NBAS: variants seen among roughly 807,000 people sequenced by gnomAD.
The protein encoded by NBAS is NBAS subunit of NRZ tethering complex, also known as NAG/BC035112 fusion.
NBAS carries 219 observed loss-of-function variants against 302.5 expected under a neutral mutation model. The ratio of observed to expected loss-of-function variants is 0.72; its 90% CI spans 0.65 to 0.81. The LOEUF (loss-of-function observed/expected upper bound fraction) is 0.81, where lower values mean the gene tolerates loss of function less well. Among genes scored for constraint, NBAS ranks in the 30% least tolerant of loss-of-function variants. NBAS has a pLI of 0.00. For missense variants in NBAS, 2,932 were observed against 2,841.6 expected (o/e 1.03, Z -0.72); for synonymous variants, 1,118 against 1,021.6 (o/e 1.09, Z -1.80).
At chr2:15,239,401 G>GTGTATA (rs1553349678) in intron 44 of NBAS, among the ~76,000 whole-genome samples, 1 of 144,660 alleles carries the variant, frequency 6.9e-6, no homozygotes, top group Non-Finnish European at 1.5e-5. Flanking sequence ...GTGTGTGTGT[G>GTGTATA]TATATATATA....
intron 40 of NBAS, among the ~76,000 whole-genome samples, chr2:15,299,682 C>T (rs1670708549): frequency 2.0e-5 from 3 of 152,236 alleles, no homozygotes; most frequent in South Asian, 4.1e-4. Flanking sequence ...ACCTTCTGAA[C>T]ACTTTTTTAA....
At chr2:15,316,947 G>C (rs1671543037) in intron 38 of NBAS, among the ~76,000 whole-genome samples, 1 of 152,212 alleles carries the variant, frequency 6.6e-6, no homozygotes, top group African/African-American at 2.4e-5. Flanking sequence ...ACCCCGTGTA[G>C]CCTAACTGGG....
intron 41 of NBAS, among the ~76,000 whole-genome samples, chr2:15,291,727 A>G (rs1670311591): frequency 6.6e-6 from 1 of 152,202 alleles, no homozygotes; most frequent in African/African-American, 2.4e-5. Context: ...CTGAACAACA[A>G]GTCAATTGTA....
chr2:15,171,485 T>A (rs1383658630), intron 51 of NBAS, among the ~76,000 whole-genome samples: 1 of 152,270 alleles, frequency 6.6e-6, no homozygotes, highest in East Asian at 1.9e-4. Flanking sequence ...GGCTGCAAAA[T>A]AGTTGTTATA....
At chr2:15,274,845 A>G (rs1572569460) in intron 44 of NBAS, among the ~76,000 whole-genome samples, 2 of 151,870 alleles carry the variant, frequency 1.3e-5, no homozygotes, top group Non-Finnish European at 1.5e-5. Flanking sequence ...GCTCACTCCA[A>G]CCTCCGTTTC....
the NBAS span, chr2:14,890,836 CAAACAAACA>C: frequency 6.7e-6 from 1 of 149,498 alleles, no homozygotes; most frequent in Non-Finnish European, 1.4e-5. Flanking sequence ...AACAAACAAA[CAAACAAACA>C]AACAACAACA....
chr2:15,097,742 A>C, the NBAS span, among the ~76,000 whole-genome samples: 1 of 150,250 alleles, frequency 6.7e-6, no homozygotes, highest in Admixed American at 6.7e-5. Flanking sequence ...ACCACCTAAC[A>C]CCATCATCCT....
the NBAS span, among the ~76,000 whole-genome samples, chr2:14,947,750 G>T: frequency 2.6e-5 from 4 of 151,848 alleles, no homozygotes; most frequent in Non-Finnish European, 5.9e-5. Context: ...CCTGTTCAGG[G>T]TTTGTCAGAT....
At chr2:15,189,167 T>C (rs146716271) in intron 49 of NBAS, among the ~76,000 whole-genome samples, 1,634 of 152,238 alleles carry the variant, frequency 0.011, 29 homozygotes, top group African/African-American at 0.036. Context: ...ATAGTGAAGG[T>C]AAAAACCTGT....
At chr2:15,299,828 T>C (rs1042849477) in intron 40 of NBAS, among the ~76,000 whole-genome samples, 4 of 152,232 alleles carry the variant, frequency 2.6e-5, no homozygotes, top group Non-Finnish European at 5.9e-5. Context: ...TATATAAGTA[T>C]GTACAGCCAT....
At chr2:15,412,461 G>C (rs113950143) in intron 25 of NBAS, among the ~76,000 whole-genome samples, 2 of 152,122 alleles carry the variant, frequency 1.3e-5, no homozygotes, top group African/African-American at 2.4e-5. Flanking sequence ...ATAAATGTTC[G>C]CAGTCGTAAG....
intron 50 of NBAS, among the ~76,000 whole-genome samples, chr2:15,183,721 G>A (rs905972159): frequency 6.6e-6 from 1 of 151,864 alleles, no homozygotes; most frequent in East Asian, 1.9e-4. Flanking sequence ...AGTTCTTTCT[G>A]TTCTACTATG....
chr2:15,535,547 T>TAAAC (rs1355334610), intron 8 of NBAS, among the ~76,000 whole-genome samples: 21 of 139,528 alleles, frequency 1.5e-4, no homozygotes, highest in Middle Eastern at 3.7e-3. Flanking sequence ...AATAAATAAA[T>TAAAC]AAATAAATAA....
chr2:15,108,757 C>T, the NBAS span, among the ~76,000 whole-genome samples: 5 of 152,132 alleles, frequency 3.3e-5, no homozygotes, highest in African/African-American at 1.2e-4. Flanking sequence ...GAAAAGGCAA[C>T]CAATTAATAA....
chr2:14,859,377 A>G, the NBAS span, among the ~76,000 whole-genome samples: 1 of 152,080 alleles, frequency 6.6e-6, no homozygotes, highest in East Asian at 1.9e-4. Context: ...GACTCTGAAT[A>G]GCCAAAGCCA....
chr2:14,880,993 A>G, the NBAS span, among the ~76,000 whole-genome samples: 171 of 152,256 alleles, frequency 1.1e-3, 1 homozygote, highest in African/African-American at 4.0e-3. Flanking sequence ...AGACTTCTCA[A>G]TAACAGCACA....
chr2:15,347,037 G>A (rs1490553400), intron 35 of NBAS, among the ~76,000 whole-genome samples: 1 of 151,888 alleles, frequency 6.6e-6, no homozygotes, highest in Non-Finnish European at 1.5e-5. Context: ...TTAGATGACA[G>A]GTCAATAGGT....
chr2:15,468,488 T>C lies in NBAS; in HGVS notation c.1771A>G (p.Arg591Gly), dbSNP rs773791450. 16 of 1,613,976 alleles carry C rather than the reference T, an allele frequency of 9.9e-6. No individual in the cohort carries two copies. The highest frequency in any genetic ancestry group is 1.6e-4 in the Middle Eastern group (1 of 6,084). The part of the protein sequence containing the change: ...RSWVLHECLE[R>G]VPENVDAAKE... Reference sequence around the variant, plus strand: ...GCAGCATCCACATTTTCAGGAACTCTTTCCAAACACTCATGGAGAACCCAG... The same window carrying C: ...GCAGCATCCACATTTTCAGGAACTCCTTCCAAACACTCATGGAGAACCCAG... The change falls in exon 17 of 52, where the codon AGA becomes GGA. Residue 591 changes from arginine to glycine, a missense_variant. Transcript: ENST00000281513.
Position 15,461,655 on chromosome 2 carries a change from C to T in NBAS, c.2202+32G>A, listed in dbSNP as rs192489712. 1.5e-3 allele frequency: 1,894 copies of T among 1,244,692 alleles called. 2 individuals are homozygous for T. Among genetic ancestry groups the T allele is most frequent in the Non-Finnish European group, 2.0e-3 (1,698 of 850,916 alleles). 77.1% of individuals were successfully genotyped at this position (1,244,692 alleles called of 1,614,324 possible). On this transcript the variant is annotated intron_variant, in intron 20 of 51. Coordinates refer to ENST00000281513, the MANE Select transcript of NBAS (RefSeq NM_015909.4). ...CAAAGATTTAGAGAGTGTTAATAAC[C>T]ATAATTATTTTATTTACAAAAAGCA...
Sources: allele counts gnomAD v4.1 joint callset (sites outside exome capture counted in the v4.1 genomes callset), GRCh38; gene constraint gnomAD v4.1.1; transcripts MANE v1.5; gene names NCBI Gene and HGNC (gene_info 2026-07-23, HGNC 2026-07-21).